DCLK1: variants seen among roughly 807,000 people sequenced by gnomAD.
DCLK1 encodes the protein doublecortin like kinase 1, also known as serine/threonine-protein kinase DCLK1.
Under a neutral mutation model 86.2 loss-of-function variants are expected in DCLK1, and 16 were observed. The observed-to-expected ratio is 0.19, with a 90% CI of 0.13 to 0.28. DCLK1 has a LOEUF of 0.28. DCLK1 is among the 10% of genes least tolerant of loss of function. The probability of loss-of-function intolerance (pLI) is 1.00; values close to 1 mark genes in which losing one functional copy is unlikely to be tolerated. For missense variants in DCLK1, 590 were observed against 940.2 expected (o/e 0.63, Z 4.87); for synonymous variants, 369 against 370.5 (o/e 1.00, Z 0.05).
intron 3 of DCLK1, among the ~76,000 whole-genome samples, chr13:36,090,029 T>G (rs1884759858): frequency 1.3e-5 from 2 of 152,242 alleles, no homozygotes; most frequent in South Asian, 4.1e-4. Context: ...CTAGCACTAT[T>G]TAAAAAATTT....
At chr13:36,052,090 A>T (rs1490781733) in intron 3 of DCLK1, among the ~76,000 whole-genome samples, 1 of 152,136 alleles carries the variant, frequency 6.6e-6, no homozygotes, top group Non-Finnish European at 1.5e-5. Context: ...AATAGCTGCT[A>T]CTTTATTTTA....
chr13:36,008,566 T>C (rs1219415153), intron 3 of DCLK1, among the ~76,000 whole-genome samples: 2 of 128,250 alleles, frequency 1.6e-5, no homozygotes, highest in East Asian at 2.9e-4. Flanking sequence ...TCATTTTTTA[T>C]GGCTGCGTAG....
intron 3 of DCLK1, among the ~76,000 whole-genome samples, chr13:36,040,644 C>T (rs1188458020): frequency 6.6e-6 from 1 of 151,882 alleles, no homozygotes; most frequent in South Asian, 2.1e-4. Flanking sequence ...AATGAAGTCT[C>T]TATGTGCAAC....
At chr13:35,859,688 C>G (rs913704213) in intron 5 of DCLK1, among the ~76,000 whole-genome samples, 1 of 152,156 alleles carries the variant, frequency 6.6e-6, no homozygotes, top group South Asian at 2.1e-4. Flanking sequence ...ACTGGAGCCA[C>G]GAGTCCAGGG....
chr13:36,069,280 C>T (rs1719939549), intron 3 of DCLK1, among the ~76,000 whole-genome samples: 1 of 152,164 alleles, frequency 6.6e-6, no homozygotes, highest in African/African-American at 2.4e-5. Flanking sequence ...TTTTAAAACA[C>T]AGTCCTCTTC....
At chr13:35,934,266 C>T (rs1315313223) in intron 4 of DCLK1, among the ~76,000 whole-genome samples, 1 of 152,174 alleles carries the variant, frequency 6.6e-6, no homozygotes, top group African/African-American at 2.4e-5. Context: ...TGCCTGTTAC[C>T]CAATTTCAAA....
intron 6 of DCLK1, 78 bp downstream of exon 6, chr13:35,854,421 C>T: frequency 8.4e-7 from 1 of 1,187,002 alleles, no homozygotes; most frequent in Non-Finnish European, 1.2e-6. Flanking sequence ...AGACGAGCAG[C>T]ACGATTTGCT....
chr13:35,881,817 T>C lies in DCLK1; in HGVS notation c.824-10477A>G, dbSNP rs1057456270. 9.2e-5 allele frequency among the ~76,000 whole-genome samples: 14 copies of C among 152,150 alleles called. 1 individual carries two copies. The highest frequency in any genetic ancestry group is 7.2e-4 in the Admixed American group (11 of 15,272). On this transcript the variant is annotated intron_variant, in intron 4 of 16. Coordinates refer to ENST00000360631, the MANE Select transcript of DCLK1 (RefSeq NM_001330071.2). ...CAGTTGAGGGGCATGTCGTGTGAAA[T>C]AGGCCCACCTTTATCTTCTAGAATC...
chr13:36,049,980 A>C (rs1321278078), intron 3 of DCLK1, among the ~76,000 whole-genome samples: 1 of 152,114 alleles, frequency 6.6e-6, no homozygotes, highest in Non-Finnish European at 1.5e-5. Context: ...CCCTGGTATA[A>C]ATGCTCCCTC....
intron 12 of DCLK1, among the ~76,000 whole-genome samples, 166 bp downstream of exon 12, chr13:35,810,669 G>T (rs149748611): frequency 6.6e-6 from 1 of 152,270 alleles, no homozygotes; most frequent in East Asian, 1.9e-4. Context: ...CAGAGAAAAT[G>T]GCTCCCACTG....
chr13:35,865,377 C>T (rs1359035573), intron 5 of DCLK1, among the ~76,000 whole-genome samples: 1 of 152,186 alleles, frequency 6.6e-6, no homozygotes, highest in Admixed American at 6.5e-5. Flanking sequence ...TACAGATTCT[C>T]ATTTCTTTAA....
intron 4 of DCLK1, among the ~76,000 whole-genome samples, chr13:35,900,458 T>C (rs1874286055): frequency 2.6e-5 from 4 of 152,170 alleles, no homozygotes; most frequent in Admixed American, 1.3e-4. Context: ...GCCAGGCTGA[T>C]CTTGAACTTC....
chr13:35,899,573 T>C (rs561686286), intron 4 of DCLK1, among the ~76,000 whole-genome samples: 1 of 152,282 alleles, frequency 6.6e-6, no homozygotes, highest in African/African-American at 2.4e-5. Context: ...CTGCTTACCC[T>C]ATCCATATGT....
chr13:35,914,332 AATATAT>A (rs1235635206), intron 4 of DCLK1, among the ~76,000 whole-genome samples: 2 of 74,074 alleles, frequency 2.7e-5, no homozygotes, highest in Admixed American at 1.5e-4. Context: ...AAAAAAAAAA[AATATAT>A]ATATATATAT....
intron 11 of DCLK1, among the ~76,000 whole-genome samples, chr13:35,816,604 G>A (rs1052314770): frequency 2.0e-5 from 3 of 152,160 alleles, no homozygotes; most frequent in Non-Finnish European, 4.4e-5. Context: ...ATATTTTGCA[G>A]ATGAGAAAAT....
At chr13:35,940,599 G>T (rs779403014) in intron 4 of DCLK1, among the ~76,000 whole-genome samples, 36 of 152,178 alleles carry the variant, frequency 2.4e-4, no homozygotes, top group South Asian at 8.3e-4. Flanking sequence ...AATCAACATG[G>T]GCACGGAGAG....
intron 3 of DCLK1, among the ~76,000 whole-genome samples, chr13:35,986,633 G>A (rs945241772): frequency 1.3e-5 from 2 of 152,278 alleles, no homozygotes; most frequent in East Asian, 1.9e-4. Context: ...CCTGACATTA[G>A]CTCCTTGAGA....
rs771414803 is a variant in DCLK1 at position 35,805,688 on chromosome 13, G to A, written c.1944+11C>T. ...TAGGAGAGAACAAAGGAAATGGTGC[G>A]AGTCACTTACATTAACCCAGGGATG... On this transcript the variant is annotated intron_variant, in intron 15 of 16. Transcript: ENST00000360631. The A allele has an allele frequency of 9.3e-6, 15 of 1,610,830 alleles. No homozygotes were observed. Among genetic ancestry groups the A allele is most frequent in the Admixed American group, 5.1e-5 (3 of 59,324 alleles).
chr13:35,812,326 C>CA (rs1566545488), intron 11 of DCLK1, among the ~76,000 whole-genome samples: 4 of 86,912 alleles, frequency 4.6e-5, no homozygotes, highest in East Asian at 6.8e-4. Flanking sequence ...GCAATCTTCA[C>CA]GAATGCCTCA....
Sources: gnomAD v4.1 joint callset for allele counts (sites outside exome capture counted in the v4.1 genomes callset) on GRCh38, gnomAD v4.1.1 for gene constraint, MANE v1.5 for transcripts, NCBI Gene and HGNC (gene_info 2026-07-23, HGNC 2026-07-21) for gene names.